Variants in GADL1 observed in about 807,000 individuals in gnomAD.
GADL1 encodes the protein GAD like acidic amino acid decarboxylase 1.
In GADL1, 71 loss-of-function variants were observed where a neutral mutation model predicts 69.5. The observed-to-expected ratio is 1.02, with a 90% CI of 0.84 to 1.25. GADL1 has a LOEUF of 1.25. Among genes scored for constraint, GADL1 ranks in the 50% most tolerant of loss-of-function variants. The probability of loss-of-function intolerance (pLI) is 0.00; values close to 1 mark genes in which losing one functional copy is unlikely to be tolerated. For synonymous variants in GADL1, 254 were observed against 214.4 expected, an observed-to-expected ratio of 1.18 and a Z score of -1.62; for missense variants, 737 against 631.8, an observed-to-expected ratio of 1.17 and a Z score of -1.79.
chr3:30,875,660 C>A (rs1161307531), intron 1 of GADL1, among the ~76,000 whole-genome samples: 1 of 151,818 alleles, frequency 6.6e-6, no homozygotes, highest in Non-Finnish European at 1.5e-5. Flanking sequence ...GCACATACTT[C>A]ACATATTAAA....
chr3:30,772,481 G>A (rs1345025359), intron 14 of GADL1, among the ~76,000 whole-genome samples: 1 of 152,064 alleles, frequency 6.6e-6, no homozygotes, highest in Non-Finnish European at 1.5e-5. Context: ...TCTTATCTTT[G>A]CATTCTATCC....
intron 14 of GADL1, among the ~76,000 whole-genome samples, chr3:30,770,397 C>A (rs1394230585): frequency 6.6e-6 from 1 of 152,248 alleles, no homozygotes; most frequent in Non-Finnish European, 1.5e-5. Context: ...AAATGATAAA[C>A]TTGGCTCATG....
intron 1 of GADL1, among the ~76,000 whole-genome samples, chr3:30,878,065 G>A (rs1698600747): frequency 6.6e-6 from 1 of 151,854 alleles, no homozygotes; most frequent in Admixed American, 6.6e-5. Flanking sequence ...CTGGTGATAT[G>A]CACAAAAGGG....
At position 30,792,135 on chromosome 3, in the gene GADL1, C is replaced by T. The variant is rs1321141104; in HGVS notation, c.1251-5729G>A. Among the ~76,000 whole-genome samples, 3 of 152,326 alleles carry T rather than the reference C, an allele frequency of 2.0e-5. No homozygotes were observed. In the East Asian group the frequency reaches 5.8e-4, roughly 29 times the overall value. ...GAGGCAAGAGGAGATGCAGCTATTA[C>T]TATAACAAAGGTCTTACACCAGAGT... On this transcript the variant is annotated intron_variant, in intron 12 of 14. Transcript: ENST00000282538.
chr3:30,853,377 AG>A (rs1175828153), intron 4 of GADL1, among the ~76,000 whole-genome samples: 10 of 152,188 alleles, frequency 6.6e-5, no homozygotes, highest in Admixed American at 6.5e-4. Flanking sequence ...ATGAATAGTC[AG>A]GGTGGTGAAT....
intron 1 of GADL1, among the ~76,000 whole-genome samples, chr3:30,883,591 T>A (rs1183950635): frequency 6.6e-6 from 1 of 152,044 alleles, no homozygotes; most frequent in Non-Finnish European, 1.5e-5. Context: ...TCCTCTAAAT[T>A]TCTTTTTCTT....
chr3:30,821,384 GATATA>G (rs1204403255), intron 11 of GADL1, among the ~76,000 whole-genome samples: 1 of 152,014 alleles, frequency 6.6e-6, no homozygotes, highest in Non-Finnish European at 1.5e-5. Context: ...CAAGTAAACT[GATATA>G]ATGTGTGTCT....
chr3:30,745,447 T>G (rs935404094), intron 14 of GADL1, among the ~76,000 whole-genome samples: 3 of 152,220 alleles, frequency 2.0e-5, no homozygotes, highest in African/African-American at 4.8e-5. Context: ...AAAATAATTA[T>G]CTGTGTTCCA....
chr3:30,730,808 G>C (rs969112124), intron 14 of GADL1, among the ~76,000 whole-genome samples: 1 of 152,102 alleles, frequency 6.6e-6, no homozygotes, highest in African/African-American at 2.4e-5. Flanking sequence ...TTAGGTAGGA[G>C]GGCTTCTCGT....
intron 11 of GADL1, among the ~76,000 whole-genome samples, chr3:30,815,336 C>A (rs1379916537): frequency 6.6e-6 from 1 of 152,044 alleles, no homozygotes; most frequent in Non-Finnish European, 1.5e-5. Context: ...TCTCTCTGGT[C>A]GGTTAGGAGG....
chr3:30,778,983 G>A (rs566279310), intron 13 of GADL1: 5 of 152,216 alleles, frequency 3.3e-5, no homozygotes, highest in African/African-American at 4.8e-5. Flanking sequence ...ATTCTGAAGC[G>A]GGCAGTTTAT....
intron 11 of GADL1, among the ~76,000 whole-genome samples, chr3:30,806,855 G>A (rs139889541): frequency 3.0e-4 from 46 of 152,282 alleles, no homozygotes; most frequent in African/African-American, 1.0e-3. Flanking sequence ...AAGTCACCAC[G>A]CATCTTAAAT....
intron 14 of GADL1, among the ~76,000 whole-genome samples, chr3:30,759,858 G>A (rs1167046246): frequency 2.0e-5 from 3 of 152,160 alleles, no homozygotes; most frequent in South Asian, 2.1e-4. Context: ...AGCTAATGTC[G>A]GCAGATATAA....
In GADL1 at chr3:30,727,992, T is replaced by C; in HGVS notation, c.*250A>G. ...GTACTTACTAAACTCTCTTCAGAGC[T>C]GTGTTCCAGGGGCATTCCTTGAGAA... On this transcript the variant is annotated 3_prime_UTR_variant, in exon 15 of 15. Transcript: ENST00000282538. 2 of 367,822 alleles carry C rather than the reference T, an allele frequency of 5.4e-6. No individual in the cohort carries two copies. Among genetic ancestry groups the C allele is most frequent in the Non-Finnish European group, 9.9e-6 (2 of 201,706 alleles). The allele number at this position is 367,822 out of a possible 1,614,324, so 22.8% of individuals were successfully genotyped here. A position where few individuals can be genotyped will look rare whatever the true frequency, so the allele number is the denominator to read the frequency against.
rs529444975 is a variant in GADL1, at chr3:30,776,934, CCT to C, written c.1392+1243_1392+1244del. Among the ~76,000 whole-genome samples the C allele has an allele frequency of 1.4e-3, 212 of 152,296 alleles. 1 individual carries two copies. The highest frequency in any genetic ancestry group is 4.9e-3 in the African/African-American group (205 of 41,556). On this transcript the variant is annotated intron_variant, in intron 14 of 14. Coordinates refer to ENST00000282538, the MANE Select transcript of GADL1 (RefSeq NM_207359.3). ...GGAATCTGCTTCTTTAAAATTGTCC[CCT>C]GACTGACATCTGCTTATTGTTAAAA...
intron 9 of GADL1, among the ~76,000 whole-genome samples, chr3:30,835,313 G>T (rs944805753): frequency 1.3e-5 from 2 of 152,080 alleles, no homozygotes; most frequent in African/African-American, 4.8e-5. Context: ...AAGTTCAGGG[G>T]TTGCTTAGGA....
At chr3:30,749,790 G>A (rs770399565) in intron 14 of GADL1, among the ~76,000 whole-genome samples, 14 of 152,262 alleles carry the variant, frequency 9.2e-5, no homozygotes, top group Non-Finnish European at 2.1e-4. Flanking sequence ...GAGCTCCCGA[G>A]GCACTCTACT....
chr3:30,871,582 T>A (rs760526861), intron 1 of GADL1, among the ~76,000 whole-genome samples: 1 of 151,894 alleles, frequency 6.6e-6, no homozygotes, highest in Non-Finnish European at 1.5e-5. Context: ...AGAAAATCAC[T>A]CTGTGCATCA....
At chr3:30,739,209 G>C (rs1695580774) in intron 14 of GADL1, among the ~76,000 whole-genome samples, 1 of 152,198 alleles carries the variant, frequency 6.6e-6, no homozygotes, top group African/African-American at 2.4e-5. Context: ...GATGAAAAAA[G>C]AAGGGAGCCC....
Sources: gnomAD v4.1 joint callset for allele counts (sites outside exome capture counted in the v4.1 genomes callset) on GRCh38, gnomAD v4.1.1 for gene constraint, MANE v1.5 for transcripts, NCBI Gene and HGNC (gene_info 2026-07-23, HGNC 2026-07-21) for gene names.